Variants in SGCZ observed in about 807,000 individuals in gnomAD.
SGCZ encodes zeta-sarcoglycan.
In SGCZ, 40 loss-of-function variants were observed where a neutral mutation model predicts 41.3. That is an observed-to-expected ratio of 0.97 (90% CI 0.75 to 1.26). SGCZ has a LOEUF of 1.26. Ranked by LOEUF, SGCZ falls within the 50% of genes most tolerant of loss-of-function variation. SGCZ has a pLI of 0.00. For synonymous variants in SGCZ, 206 were observed against 137.5 expected (o/e 1.50, Z -3.49); for missense variants, 552 against 369.8 (o/e 1.49, Z -4.04).
chr8:14,180,623 G>T (rs982696166), intron 4 of SGCZ, among the ~76,000 whole-genome samples: 9 of 152,040 alleles, frequency 5.9e-5, no homozygotes, highest in Admixed American at 1.3e-4. Flanking sequence ...TAAGGCCCTG[G>T]ACTAAGAATC....
intron 2 of SGCZ, among the ~76,000 whole-genome samples, chr8:14,395,520 T>TC (rs1204190432): frequency 6.6e-6 from 1 of 151,832 alleles, no homozygotes; most frequent in African/African-American, 2.4e-5. Context: ...AGTCCAAAGG[T>TC]CCAAATGGAC....
At chr8:14,818,269 G>A (rs1268871404) in intron 1 of SGCZ, among the ~76,000 whole-genome samples, 4 of 152,116 alleles carry the variant, frequency 2.6e-5, no homozygotes, top group Non-Finnish European at 4.4e-5. Context: ...ACACATGTCT[G>A]GCCTGACGAC....
chr8:14,397,626 A>T (rs1195419917), intron 2 of SGCZ, among the ~76,000 whole-genome samples: 1 of 152,094 alleles, frequency 6.6e-6, no homozygotes, highest in East Asian at 1.9e-4. Context: ...TACTTTCTCC[A>T]AGTCAGGCAG....
At chr8:14,673,981 T>A (rs145694779) in intron 1 of SGCZ, among the ~76,000 whole-genome samples, 154 of 152,318 alleles carry the variant, frequency 1.0e-3, no homozygotes, top group Non-Finnish European at 1.9e-3. Flanking sequence ...TGTTATTGAA[T>A]GTGTCACACA....
At chr8:14,816,071 A>C (rs528168345) in intron 1 of SGCZ, among the ~76,000 whole-genome samples, 1 of 152,370 alleles carries the variant, frequency 6.6e-6, no homozygotes, top group African/African-American at 2.4e-5. Context: ...GCAGTATGTC[A>C]AATATATTTC....
chr8:14,815,139 C>A (rs1353719541), intron 1 of SGCZ, among the ~76,000 whole-genome samples: 1 of 151,968 alleles, frequency 6.6e-6, no homozygotes, highest in Non-Finnish European at 1.5e-5. Flanking sequence ...GGTTATACTT[C>A]AATTAGTAAG....
chr8:14,460,052 T>C (rs1339602992), intron 2 of SGCZ, among the ~76,000 whole-genome samples: 2 of 152,160 alleles, frequency 1.3e-5, no homozygotes, highest in African/African-American at 4.8e-5. Flanking sequence ...ATAAGGCATG[T>C]CACTTGGTCA....
chr8:14,509,050 C>T (rs901020086), intron 2 of SGCZ, among the ~76,000 whole-genome samples: 1 of 152,134 alleles, frequency 6.6e-6, no homozygotes, highest in Admixed American at 6.5e-5. Context: ...CATTTGTTCA[C>T]TCTCATTAGA....
intron 2 of SGCZ, among the ~76,000 whole-genome samples, chr8:14,367,108 T>G (rs1803736637): frequency 6.6e-6 from 1 of 152,118 alleles, no homozygotes; most frequent in Non-Finnish European, 1.5e-5. Flanking sequence ...TTACGCCAGA[T>G]GCCCCAAATC....
intron 1 of SGCZ, among the ~76,000 whole-genome samples, chr8:14,836,488 C>T (rs1802707236): frequency 6.6e-6 from 1 of 152,102 alleles, no homozygotes; most frequent in Non-Finnish European, 1.5e-5. Flanking sequence ...TCTGCATTTA[C>T]CCAACACTCA....
chr8:14,912,903 A>G (rs1799318193), intron 1 of SGCZ, among the ~76,000 whole-genome samples: 1 of 152,122 alleles, frequency 6.6e-6, no homozygotes. Flanking sequence ...CTGGAAAAAG[A>G]AAAGACTAAC....
chr8:14,870,980 G>A (rs368842131), intron 1 of SGCZ, among the ~76,000 whole-genome samples: 2 of 152,246 alleles, frequency 1.3e-5, no homozygotes, highest in East Asian at 3.9e-4. Flanking sequence ...GGCCGAGGCA[G>A]GAGGATCACC....
intron 1 of SGCZ, among the ~76,000 whole-genome samples, chr8:14,811,825 G>A (rs554841289): frequency 6.6e-6 from 1 of 151,898 alleles, no homozygotes; most frequent in East Asian, 1.9e-4. Flanking sequence ...AGATCAAATA[G>A]AATCTTGGAA....
intron 1 of SGCZ, among the ~76,000 whole-genome samples, chr8:14,681,284 G>C (rs966334): frequency 6.6e-6 from 1 of 152,146 alleles, no homozygotes; most frequent in Non-Finnish European, 1.5e-5. Context: ...TACTGTAGAT[G>C]TATAATCAGG....
chr8:14,401,279 T>C (rs1302775459), intron 2 of SGCZ, among the ~76,000 whole-genome samples: 3 of 135,822 alleles, frequency 2.2e-5, no homozygotes, highest in African/African-American at 8.7e-5. Context: ...TTTATTTTTA[T>C]TTATTTTTTT....
intron 1 of SGCZ, among the ~76,000 whole-genome samples, chr8:14,575,932 A>AAAAAAAAG (rs1563126402): frequency 1.5e-4 from 21 of 136,442 alleles, no homozygotes; most frequent in Non-Finnish European, 2.2e-4. Flanking sequence ...AAAAAAAAAA[A>AAAAAAAAG]AAAGAAAGAA....
At chr8:14,938,191 A>G (rs545305134) in intron 1 of SGCZ, among the ~76,000 whole-genome samples, 1 of 152,200 alleles carries the variant, frequency 6.6e-6, no homozygotes, top group Middle Eastern at 3.2e-3. Context: ...ATCTACTTTT[A>G]TACTGTAGCT....
chr8:14,391,966 C>G (rs142221792), intron 2 of SGCZ, among the ~76,000 whole-genome samples: 327 of 152,092 alleles, frequency 2.2e-3, no homozygotes, highest in African/African-American at 7.2e-3. Flanking sequence ...AGATTCACAC[C>G]CATGCTCTCA....
intron 1 of SGCZ, among the ~76,000 whole-genome samples, chr8:14,833,969 A>G (rs528063712): frequency 2.0e-4 from 31 of 152,228 alleles, no homozygotes; most frequent in South Asian, 6.2e-4. Flanking sequence ...TGTGGAAGCT[A>G]CTTTAAAAAT....
Sources: gnomAD v4.1 joint callset for allele counts (sites outside exome capture counted in the v4.1 genomes callset) on GRCh38, gnomAD v4.1.1 for gene constraint, MANE v1.5 for transcripts, NCBI Gene and HGNC (gene_info 2026-07-23, HGNC 2026-07-21) for gene names.